The following UNC5C variants were observed in gnomAD, a reference collection of about 807,000 sequenced individuals.
The protein encoded by UNC5C is unc-5 netrin receptor C, also known as netrin receptor UNC5C.
Under a neutral mutation model 99.8 loss-of-function variants are expected in UNC5C, and 47 were observed. The observed-to-expected ratio is 0.47, with a 90% CI of 0.37 to 0.60. The LOEUF is 0.60. Among genes scored for constraint, UNC5C ranks in the 20% least tolerant of loss-of-function variants. The pLI, the probability that UNC5C is intolerant of heterozygous loss-of-function variation, is 0.00. For missense variants in UNC5C, 1,062 were observed against 1,165.9 expected, an observed-to-expected ratio of 0.91 and a Z score of 1.30; for synonymous variants, 487 against 452.2, an observed-to-expected ratio of 1.08 and a Z score of -0.98.
At chr4:95,315,922 T>C (rs1428504778) in intron 2 of UNC5C, among the ~76,000 whole-genome samples, 1 of 152,192 alleles carries the variant, frequency 6.6e-6, no homozygotes, top group African/African-American at 2.4e-5. Flanking sequence ...ATATTATTCA[T>C]CTAGTATTTT....
intron 3 of UNC5C, among the ~76,000 whole-genome samples, chr4:95,300,857 G>A (rs1490329607): frequency 6.6e-6 from 1 of 152,110 alleles, no homozygotes; most frequent in Non-Finnish European, 1.5e-5. Context: ...AAAATAGAAG[G>A]AATGAATAAG....
In UNC5C at chr4:95,164,806, C is replaced by G. The variant is rs1735799868; in HGVS notation, c.*4428G>C. 1 of 152,216 alleles carries G rather than the reference C, an allele frequency of 6.6e-6. No homozygotes were observed. The highest frequency in any genetic ancestry group is 1.5e-5 in the Non-Finnish European group (1 of 68,042). 9.4% of individuals were successfully genotyped at this position (152,216 alleles called of 1,614,324 possible). On this transcript the variant is annotated 3_prime_UTR_variant, in exon 16 of 16. Transcript: ENST00000453304. ...CTCCACATGAAACTGATGACTTGTC[C>G]AGAACAACTGCCCAGCAAAAGCTAA...
chr4:95,189,434 T>C (rs1736974988), intron 12 of UNC5C, among the ~76,000 whole-genome samples: 1 of 152,302 alleles, frequency 6.6e-6, no homozygotes, highest in East Asian at 1.9e-4. Flanking sequence ...TACAGGCTCA[T>C]GCCACTGCAC....
At chr4:95,258,847 C>T (rs966185370) in intron 4 of UNC5C, among the ~76,000 whole-genome samples, 54 of 146,482 alleles carry the variant, frequency 3.7e-4, no homozygotes, top group African/African-American at 1.2e-3. Flanking sequence ...CTGCAAGCTC[C>T]GCTTCCCGGG....
Position 95,202,839 on chromosome 4 carries a change from T to G in UNC5C, c.2028A>C (p.Lys676Asn), listed in dbSNP as rs1737733626. 3.7e-6 allele frequency: 6 copies of G among 1,614,078 alleles called. No individual in the cohort carries two copies. Among genetic ancestry groups the G allele is most frequent in the Non-Finnish European group, 5.1e-6 (6 of 1,180,050 alleles). ...CCAGCTTGAGGCGCTTCGCAGCCGCTTTGGTGGTGGAATGTCCTACCAGGG... is the reference window on the plus strand; with the variant it reads ...CCAGCTTGAGGCGCTTCGCAGCCGCGTTGGTGGTGGAATGTCCTACCAGGG... ...TYALVGHSTT[K>N]AAAKRLKLAI... The change falls in exon 12 of 16, where the codon AAA becomes AAC. Residue 676 changes from lysine to asparagine, a missense_variant. Physicochemically the swap from Lys to Asn is moderately conservative, Grantham distance 94. Transcript: ENST00000453304.
intron 1 of UNC5C, among the ~76,000 whole-genome samples, chr4:95,424,393 G>A (rs138750114): frequency 2.0e-5 from 3 of 151,790 alleles, no homozygotes; most frequent in Non-Finnish European, 4.4e-5. Context: ...CATATTTCGG[G>A]TACTGGCTGA....
At chr4:95,399,818 C>T (rs145272023) in intron 1 of UNC5C, among the ~76,000 whole-genome samples, 163 of 152,282 alleles carry the variant, frequency 1.1e-3, no homozygotes, top group African/African-American at 3.7e-3. Flanking sequence ...GAACCCTGCT[C>T]CTTTCCTCCT....
chr4:95,255,843 C>A (rs549752538), intron 4 of UNC5C, among the ~76,000 whole-genome samples: 1 of 152,138 alleles, frequency 6.6e-6, no homozygotes, highest in Admixed American at 6.5e-5. Context: ...TCTCTGCTTG[C>A]CCTGCCTTAC....
chr4:95,310,839 A>G (rs959465091), intron 2 of UNC5C, among the ~76,000 whole-genome samples: 1 of 152,182 alleles, frequency 6.6e-6, no homozygotes, highest in African/African-American at 2.4e-5. Flanking sequence ...AGAAAGCTCT[A>G]TGACAACTAT....
In UNC5C at chr4:95,427,085, C is replaced by G. The variant is rs375225536; in HGVS notation, c.125-91454G>C. 1.8e-4 allele frequency among the ~76,000 whole-genome samples: 28 copies of G among 152,234 alleles called. No individual in the cohort carries two copies. The South Asian group carries it at 4.1e-3, about 23-fold the overall frequency. On this transcript the variant is annotated intron_variant, in intron 1 of 15. Coordinates refer to ENST00000453304, the MANE Select transcript of UNC5C (RefSeq NM_003728.4). ...TGAATGACTTTGAGGGGGTTCAAGA[C>G]TTCAGTGGAGGAAGCAATTGCAGAT...
intron 1 of UNC5C, among the ~76,000 whole-genome samples, chr4:95,475,271 G>A (rs1200179485): frequency 6.6e-6 from 1 of 151,996 alleles, no homozygotes; most frequent in Non-Finnish European, 1.5e-5. Flanking sequence ...CATTATTGAA[G>A]GGAACATGTG....
In UNC5C at chr4:95,354,628, T is replaced by C. The variant is rs560400810; in HGVS notation, c.125-18997A>G. Among the ~76,000 whole-genome samples, 14 of 151,838 alleles carry C rather than the reference T, an allele frequency of 9.2e-5. 1 individual carries two copies. Among genetic ancestry groups the C allele is most frequent in the African/African-American group, 3.4e-4 (14 of 41,384 alleles). The stretch of plus-strand genomic sequence containing the variant: ...ATTTGAGTACTTGGAACTACAGGCA[T>C]GCACCACTATGCCTGGCTAATGTTT... On this transcript the variant is annotated intron_variant, in intron 1 of 15. Transcript: ENST00000453304.
At chr4:95,218,006 G>A (rs28676699) in intron 9 of UNC5C, among the ~76,000 whole-genome samples, 2,795 of 152,242 alleles carry the variant, frequency 0.018, 87 homozygotes, top group African/African-American at 0.063. Context: ...AGTTGCCAAG[G>A]CATTGAAATG....
chr4:95,272,180 T>C (rs2149391515), intron 4 of UNC5C, among the ~76,000 whole-genome samples: 1 of 152,370 alleles, frequency 6.6e-6, no homozygotes, highest in East Asian at 1.9e-4. Context: ...TCATTTTTCT[T>C]ACATTCTTGC....
rs147344166 is a variant in UNC5C at position 95,169,480 on chromosome 4, T to C, written c.2631-81A>G. On this transcript the variant is annotated intron_variant, in intron 15 of 15. Coordinates refer to ENST00000453304, the MANE Select transcript of UNC5C (RefSeq NM_003728.4). ...CCTCAGCTAAACCTTTCTGTCTCTC[T>C]ACTTGTCTTTAAGTTTCCTGGTCCC... 940 of 1,490,318 alleles carry C rather than the reference T, an allele frequency of 6.3e-4. 2 individuals are homozygous for C. Among genetic ancestry groups the C allele is most frequent in the Middle Eastern group, 5.1e-3 (29 of 5,666 alleles). The allele number at this position is 1,490,318 out of a possible 1,614,324, so 92.3% of individuals were successfully genotyped here.
intron 1 of UNC5C, among the ~76,000 whole-genome samples, chr4:95,522,414 A>C (rs1198140196): frequency 6.6e-6 from 1 of 152,162 alleles, no homozygotes; most frequent in Non-Finnish European, 1.5e-5. Context: ...AAAAGCATAC[A>C]CAGGTGTGCA....
chr4:95,545,908 G>C (rs903571545), intron 1 of UNC5C, among the ~76,000 whole-genome samples: 4 of 152,174 alleles, frequency 2.6e-5, no homozygotes, highest in Non-Finnish European at 5.9e-5. Context: ...AGCCAGAAAG[G>C]AGAAAGTTGT....
chr4:95,294,085 A>G (rs1486993939), intron 3 of UNC5C, among the ~76,000 whole-genome samples: 1 of 152,210 alleles, frequency 6.6e-6, no homozygotes, highest in Non-Finnish European at 1.5e-5. Flanking sequence ...ATACTTGTTG[A>G]TATTGGTAAT....
intron 1 of UNC5C, among the ~76,000 whole-genome samples, chr4:95,455,132 G>A (rs1166684927): frequency 6.6e-6 from 1 of 152,064 alleles, no homozygotes; most frequent in Non-Finnish European, 1.5e-5. Context: ...CCCTGGGAAG[G>A]CAGAAGAGTA....
Sources: allele counts gnomAD v4.1 joint callset (sites outside exome capture counted in the v4.1 genomes callset), GRCh38; gene constraint gnomAD v4.1.1; transcripts MANE v1.5; gene names NCBI Gene and HGNC (gene_info 2026-07-23, HGNC 2026-07-21).